DCAF8L2: variants seen among roughly 807,000 people sequenced by gnomAD.
The protein encoded by DCAF8L2 is DDB1 and CUL4 associated factor 8 like 2.
For synonymous variants in DCAF8L2, 200 were observed against 190.9 expected (o/e 1.05, Z -0.39); for missense variants, 430 against 490.7 (o/e 0.88, Z 1.17).
the DCAF8L2 span, among the ~76,000 whole-genome samples, chrX:27,562,057 G>GC: frequency 8.9e-6 from 1 of 111,769 alleles, no homozygotes; most frequent in Non-Finnish European, 1.9e-5. Context: ...TTTTTCACAT[G>GC]CCTGTAAACA....
intron 3 of DCAF8L2, among the ~76,000 whole-genome samples, chrX:27,706,597 C>A (rs1366065631): frequency 8.9e-6 from 1 of 111,798 alleles, no homozygotes; most frequent in South Asian, 3.7e-4. Context: ...TTCACACCCA[C>A]TAGGATGGCT....
chrX:27,686,748 A>G (rs1930522348), intron 3 of DCAF8L2, among the ~76,000 whole-genome samples: 1 of 112,226 alleles, frequency 8.9e-6, no homozygotes, highest in South Asian at 3.7e-4. Context: ...AACAGATAGA[A>G]ATGATAAATG....
the DCAF8L2 span, among the ~76,000 whole-genome samples, chrX:27,569,070 A>C: frequency 1.8e-5 from 2 of 110,300 alleles, no homozygotes; most frequent in African/African-American, 6.6e-5. Context: ...TCCATGTATT[A>C]AATGCCCATT....
At chrX:27,715,552 T>C (rs888637387) in intron 3 of DCAF8L2, among the ~76,000 whole-genome samples, 3 of 111,277 alleles carry the variant, frequency 2.7e-5, no homozygotes, top group Non-Finnish European at 3.8e-5. Context: ...ATCTGTAAAA[T>C]AGAAATCAGT....
the DCAF8L2 span, among the ~76,000 whole-genome samples, chrX:27,548,535 G>A: frequency 9.0e-6 from 1 of 111,546 alleles, no homozygotes; most frequent in African/African-American, 3.3e-5. Context: ...AAGTGTGAGG[G>A]TGGCCATCAG....
the DCAF8L2 span, among the ~76,000 whole-genome samples, chrX:27,539,393 T>G: frequency 1.8e-5 from 2 of 110,411 alleles, no homozygotes; most frequent in Non-Finnish European, 3.8e-5. Flanking sequence ...AAAAGGAAAA[T>G]AATTCAGTAC....
chrX:27,502,335 A>AAAATATATATATAT, the DCAF8L2 span, among the ~76,000 whole-genome samples: 1 of 12,718 alleles, frequency 7.9e-5, no homozygotes, highest in Non-Finnish European at 1.5e-4. Flanking sequence ...AAAAAAAAAA[A>AAAATATATATATAT]ATATATATAT....
the DCAF8L2 span, among the ~76,000 whole-genome samples, chrX:27,534,543 A>G: frequency 8.9e-6 from 1 of 112,224 alleles, no homozygotes; most frequent in Non-Finnish European, 1.9e-5. Context: ...AAATGATTCC[A>G]AGTTCAAAGT....
At chrX:27,533,228 A>G in the DCAF8L2 span, among the ~76,000 whole-genome samples, 42 of 42,840 alleles carry the variant, frequency 9.8e-4, 1 homozygote, top group African/African-American at 2.3e-3. Context: ...GAAAGAAAGA[A>G]AGAAAGAGAA....
At chrX:27,547,891 T>TCTCTCTC in the DCAF8L2 span, among the ~76,000 whole-genome samples, 6 of 57,192 alleles carry the variant, frequency 1.0e-4, no homozygotes, top group African/African-American at 2.0e-4. Flanking sequence ...CTCTCTCTCT[T>TCTCTCTC]TCTCTCTCTC....
At chrX:27,670,531 T>C (rs1749885769) in intron 2 of DCAF8L2, among the ~76,000 whole-genome samples, 2 of 111,486 alleles carry the variant, frequency 1.8e-5, no homozygotes, top group Admixed American at 1.9e-4. Context: ...CGGGTGCTGA[T>C]AGAATTGGTT....
chrX:27,690,194 A>T (rs983774115), intron 3 of DCAF8L2, among the ~76,000 whole-genome samples: 2 of 111,489 alleles, frequency 1.8e-5, no homozygotes, highest in Non-Finnish European at 3.8e-5. Context: ...CTTTTTTACC[A>T]CATACATTAT....
intron 3 of DCAF8L2, among the ~76,000 whole-genome samples, chrX:27,711,337 TTTC>T (rs1386378404): frequency 9.1e-6 from 1 of 109,917 alleles, no homozygotes; most frequent in Non-Finnish European, 1.9e-5. Flanking sequence ...AGAGCAGAAT[TTTC>T]TTCTTTTTTA....
the DCAF8L2 span, among the ~76,000 whole-genome samples, chrX:27,560,425 G>A: frequency 9.0e-6 from 1 of 111,709 alleles, no homozygotes; most frequent in African/African-American, 3.3e-5. Flanking sequence ...GCCAGTCCAT[G>A]AGTAAACAAA....
the DCAF8L2 span, among the ~76,000 whole-genome samples, chrX:27,497,505 T>TTCCTTCCTTCCTTCCTTCC: frequency 2.7e-3 from 63 of 23,443 alleles, 1 homozygote; most frequent in African/African-American, 7.2e-3. Flanking sequence ...TTATTCTTTC[T>TTCCTTCCTTCCTTCCTTCC]TTCTTTCCTT....
At chrX:27,500,350 A>T in the DCAF8L2 span, among the ~76,000 whole-genome samples, 14 of 112,124 alleles carry the variant, frequency 1.2e-4, no homozygotes, top group Non-Finnish European at 2.6e-4. Context: ...AAAGATACAG[A>T]TCATATAAAT....
chrX:27,473,702 A>G, the DCAF8L2 span, among the ~76,000 whole-genome samples: 6 of 110,869 alleles, frequency 5.4e-5, no homozygotes, highest in African/African-American at 2.0e-4. Flanking sequence ...TCTAAAAGAG[A>G]AATATCATTC....
At chrX:27,712,402 C>A (rs990377398) in intron 3 of DCAF8L2, among the ~76,000 whole-genome samples, 1 of 111,577 alleles carries the variant, frequency 9.0e-6, no homozygotes, top group Non-Finnish European at 1.9e-5. Flanking sequence ...ATAGTTAGAC[C>A]CAAACTGCAA....
At chrX:27,500,538 G>A in the DCAF8L2 span, among the ~76,000 whole-genome samples, 1 of 111,654 alleles carries the variant, frequency 9.0e-6, no homozygotes, top group African/African-American at 3.2e-5. Flanking sequence ...ATGATTATCT[G>A]AAACCTGGAC....
Sources: allele counts gnomAD v4.1 joint callset (sites outside exome capture counted in the v4.1 genomes callset), GRCh38; gene constraint gnomAD v4.1.1; transcripts MANE v1.5; gene names NCBI Gene and HGNC (gene_info 2026-07-23, HGNC 2026-07-21).